The following CBR4 variants were observed in gnomAD, a reference collection of about 807,000 sequenced individuals.
CBR4 encodes 3-oxoacyl-[acyl-carrier-protein] reductase.
CBR4 carries 22 observed loss-of-function variants against 21.0 expected under a neutral mutation model. That is an observed-to-expected ratio of 1.05 (90% CI 0.75 to 1.50). The LOEUF is 1.50. Ranked by LOEUF, CBR4 falls within the 40% of genes most tolerant of loss-of-function variation. The pLI is 0.00. For synonymous variants in CBR4, 100 were observed against 104.4 expected (o/e 0.96, Z 0.26); for missense variants, 302 against 286.3 (o/e 1.05, Z -0.40).
At chr4:169,002,259 G>A in intron 3 of CBR4, 54 bp from the exon 4 acceptor site, 1 of 1,336,988 alleles carries the variant, frequency 7.5e-7, no homozygotes, top group South Asian at 2.0e-5. Context: ...TCAATTAATG[G>A]GGTTACTTGA....
At chr4:168,958,446 TTTTG>T (rs1349678649) in intron 2 of CBR4, among the ~76,000 whole-genome samples, 1 of 152,232 alleles carries the variant, frequency 6.6e-6, no homozygotes, top group Non-Finnish European at 1.5e-5. Context: ...ATAGATTATA[TTTTG>T]TTTATCCATT....
chr4:168,920,514 G>T (rs1173900362), intron 2 of CBR4, among the ~76,000 whole-genome samples: 2 of 152,122 alleles, frequency 1.3e-5, no homozygotes, highest in African/African-American at 2.4e-5. Context: ...GGGGTAGGGG[G>T]TAAAAAGGCC....
At chr4:168,969,628 T>C (rs1354535489) in intron 2 of CBR4, among the ~76,000 whole-genome samples, 1 of 152,072 alleles carries the variant, frequency 6.6e-6, no homozygotes, top group Non-Finnish European at 1.5e-5. Flanking sequence ...ATGTTGCCCA[T>C]GGAAACATGA....
At chr4:168,972,103 T>C (rs945627268) in intron 2 of CBR4, among the ~76,000 whole-genome samples, 15 of 152,244 alleles carry the variant, frequency 9.9e-5, no homozygotes, top group African/African-American at 3.6e-4. Flanking sequence ...GGCTATTAAG[T>C]ATCTGGCTTT....
intron 2 of CBR4, among the ~76,000 whole-genome samples, chr4:168,953,014 C>T (rs561496911): frequency 1.3e-5 from 2 of 152,106 alleles, no homozygotes; most frequent in East Asian, 1.9e-4. Context: ...GTTACTAGGG[C>T]GGGTAGAGAA....
At chr4:168,894,849 C>A in intron 2 of CBR4, 1 of 1,019,776 alleles carries the variant, frequency 9.8e-7, no homozygotes, top group Non-Finnish European at 1.4e-6. Context: ...TGAGCACATA[C>A]TATGTTAAGT....
At chr4:168,979,873 G>A (rs1471988972) in intron 2 of CBR4, among the ~76,000 whole-genome samples, 1 of 152,086 alleles carries the variant, frequency 6.6e-6, no homozygotes, top group Non-Finnish European at 1.5e-5. Context: ...CCCTCAGACT[G>A]GGGAAGAAAG....
At chr4:168,968,659 C>G (rs1017429640) in intron 2 of CBR4, among the ~76,000 whole-genome samples, 2 of 152,170 alleles carry the variant, frequency 1.3e-5, no homozygotes, top group Non-Finnish European at 2.9e-5. Context: ...TTTACCATCA[C>G]CTAGCACATT....
intron 2 of CBR4, among the ~76,000 whole-genome samples, chr4:168,954,402 G>C (rs568623828): frequency 1.3e-5 from 2 of 152,130 alleles, no homozygotes; most frequent in Non-Finnish European, 2.9e-5. Context: ...CTGAGACATA[G>C]TACCAGCATC....
intron 2 of CBR4, among the ~76,000 whole-genome samples, chr4:168,948,271 C>T (rs1763448361): frequency 6.6e-6 from 1 of 152,136 alleles, no homozygotes; most frequent in African/African-American, 2.4e-5. Flanking sequence ...GGATATTAGT[C>T]CTTTGTCAGA....
intron 2 of CBR4, chr4:168,913,795 A>G (rs1759543111): frequency 1.4e-6 from 1 of 714,230 alleles, no homozygotes; most frequent in Admixed American, 2.0e-5. Context: ...GAAAAGGGTT[A>G]GTCATTACTC....
Position 168,921,468 on chromosome 4 carries a change from C to G in CBR4, n.170-26703G>C. The G allele has an allele frequency of 4.2e-6, 4 of 941,426 alleles. No homozygotes were observed. In the South Asian group the frequency reaches 5.6e-5, roughly 13 times the overall value. 58.3% of individuals were successfully genotyped at this position (941,426 alleles called of 1,614,324 possible). ...CTGAAGGAGGAATTTATGCAGACTTCTTAGCTACCAGTGATTTCACTCTGT... is the reference window on the plus strand; with the variant it reads ...CTGAAGGAGGAATTTATGCAGACTTGTTAGCTACCAGTGATTTCACTCTGT... On this transcript the variant is annotated intron_variant and non_coding_transcript_variant, in intron 2 of 3. Transcript: ENST00000509108.
At chr4:168,906,010 T>C (rs1757724125) in intron 2 of CBR4, among the ~76,000 whole-genome samples, 1 of 152,048 alleles carries the variant, frequency 6.6e-6, no homozygotes, top group Non-Finnish European at 1.5e-5. Flanking sequence ...TTTTCCTTAT[T>C]ATATTTTCAG....
chr4:168,895,391 C>G (rs1167528022), intron 2 of CBR4, among the ~76,000 whole-genome samples: 2 of 152,090 alleles, frequency 1.3e-5, no homozygotes, highest in Admixed American at 6.5e-5. Flanking sequence ...CAAAACAAAA[C>G]AAAACTAAAA....
chr4:168,962,371 C>T (rs1375742587), intron 2 of CBR4, among the ~76,000 whole-genome samples: 2 of 152,100 alleles, frequency 1.3e-5, no homozygotes, highest in African/African-American at 4.8e-5. Flanking sequence ...GTCTGGACCA[C>T]GTCAATGGAT....
At chr4:168,916,092 T>C in intron 2 of CBR4, 2 of 1,468,596 alleles carry the variant, frequency 1.4e-6, no homozygotes, top group African/African-American at 1.4e-5. Flanking sequence ...CATTTCTCTA[T>C]AGTTCCTTTT....
intron 2 of CBR4, chr4:168,926,128 A>T: frequency 8.6e-7 from 1 of 1,156,206 alleles, no homozygotes; most frequent in Non-Finnish European, 1.2e-6. Flanking sequence ...GCATCTATCT[A>T]GACATTCTGT....
chr4:168,939,861 G>T (rs988939555), intron 2 of CBR4, among the ~76,000 whole-genome samples: 3 of 152,254 alleles, frequency 2.0e-5, no homozygotes, highest in African/African-American at 4.8e-5. Flanking sequence ...TGGCCATACT[G>T]CCCAAACTAA....
At chr4:168,918,174 C>G (rs1214689886) in intron 2 of CBR4, among the ~76,000 whole-genome samples, 2 of 150,856 alleles carry the variant, frequency 1.3e-5, no homozygotes, top group Non-Finnish European at 3.0e-5. Flanking sequence ...CAGAACAAGA[C>G]TCCCCGTCTC....
Sources: gnomAD v4.1 joint callset for allele counts (sites outside exome capture counted in the v4.1 genomes callset) on GRCh38, gnomAD v4.1.1 for gene constraint, MANE v1.5 for transcripts, NCBI Gene and HGNC (gene_info 2026-07-23, HGNC 2026-07-21) for gene names.